Variants in ST7L observed in about 807,000 individuals in gnomAD.
ST7L encodes suppression of tumorigenicity 7 like.
In ST7L, 57 loss-of-function variants were observed where a neutral mutation model predicts 72.5. The ratio of observed to expected loss-of-function variants is 0.79; its 90% confidence interval spans 0.64 to 0.98. ST7L has a LOEUF of 0.98. ST7L is among the 50% of genes least tolerant of loss of function. The pLI is 0.00. For synonymous variants in ST7L, 221 were observed against 240.9 expected, an observed-to-expected ratio of 0.92 and a Z score of 0.77; for missense variants, 576 against 672.2, an observed-to-expected ratio of 0.86 and a Z score of 1.58.
rs1653145175 is a variant in ST7L, at chr1:112,524,717, T to C, written c.*1296A>G. ...GAAAGAGATGCTTCCTTTTCACTCT[T>C]TGCCCTCCCTGTCAGCCTGAGCACA... On this transcript the variant is annotated 3_prime_UTR_variant, in exon 15 of 15. Transcript: ENST00000358039. 2.0e-5 allele frequency: 3 copies of C among 152,256 alleles called. No individual in the cohort carries two copies. The highest frequency in any genetic ancestry group is 7.2e-5 in the African/African-American group (3 of 41,466). 9.4% of individuals were successfully genotyped at this position (152,256 alleles called of 1,614,324 possible).
At chr1:112,552,823 T>C (rs909743438) in intron 12 of ST7L, among the ~76,000 whole-genome samples, 6 of 152,010 alleles carry the variant, frequency 3.9e-5, no homozygotes, top group African/African-American at 1.4e-4. Flanking sequence ...TCATAGGTGG[T>C]TGGGCATGAT....
At chr1:112,537,138 G>A (rs1436735835) in intron 14 of ST7L, among the ~76,000 whole-genome samples, 4 of 152,036 alleles carry the variant, frequency 2.6e-5, no homozygotes, top group African/African-American at 7.2e-5. Context: ...TGGGATTACA[G>A]GCAAGTACCA....
intron 5 of ST7L, among the ~76,000 whole-genome samples, chr1:112,597,041 C>T (rs987877349): frequency 2.0e-5 from 3 of 152,104 alleles, no homozygotes; most frequent in African/African-American, 7.2e-5. Context: ...CCCTGCTGTC[C>T]AAAAGTTTAT....
intron 1 of ST7L, among the ~76,000 whole-genome samples, chr1:112,617,754 C>CAA (rs1557716877): frequency 3.7e-4 from 55 of 148,428 alleles, no homozygotes; most frequent in African/African-American, 1.3e-3. Context: ...CACACACACA[C>CAA]ACGAAACGTA....
intron 4 of ST7L, among the ~76,000 whole-genome samples, chr1:112,600,241 T>A (rs538043315): frequency 2.6e-5 from 4 of 152,240 alleles, no homozygotes; most frequent in African/African-American, 9.6e-5. Flanking sequence ...TTTCACCATG[T>A]TGGCCAGGCT....
At chr1:112,617,492 A>G (rs960304814) in intron 1 of ST7L, among the ~76,000 whole-genome samples, 2 of 152,172 alleles carry the variant, frequency 1.3e-5, no homozygotes, top group African/African-American at 2.4e-5. Flanking sequence ...CAGGAGGATC[A>G]CTGGTAGCCA....
chr1:112,524,251 G>A lies in ST7L; in HGVS notation c.*1762C>T, dbSNP rs1653075250. On this transcript the variant is annotated 3_prime_UTR_variant, in exon 15 of 15. Coordinates refer to ENST00000358039, the MANE Select transcript of ST7L (RefSeq NM_017744.5). ...GGCTTAACAGAAGAGAGATAATTAG[G>A]ATTTTTTTTTCCTCAGTCTTTCTGA... 1 of 152,484 alleles carries A rather than the reference G, an allele frequency of 6.6e-6. No individual in the cohort carries two copies. The highest frequency in any genetic ancestry group is 2.4e-5 in the African/African-American group (1 of 41,388). 9.4% of individuals were successfully genotyped at this position (152,484 alleles called of 1,614,324 possible). A position where few individuals can be genotyped will look rare whatever the true frequency, so the allele number is the denominator to read the frequency against.
At position 112,552,015 on chromosome 1, in the gene ST7L, G is replaced by A. The variant is rs575618932; in HGVS notation, c.1397-1322C>T. ...TTATTTACCCAATTATTTTAGTTCA[G>A]GGTCAAGCACGGCCAGAGCCTATCC... is the stretch of plus-strand genomic sequence containing the variant. On this transcript the variant is annotated intron_variant, in intron 12 of 14. Coordinates refer to ENST00000358039, the MANE Select transcript of ST7L (RefSeq NM_017744.5). Among the ~76,000 whole-genome samples the A allele has an allele frequency of 1.8e-4, 28 of 152,274 alleles. No homozygotes were observed. In the South Asian group the frequency reaches 2.5e-3, roughly 14 times the overall value.
intron 13 of ST7L, among the ~76,000 whole-genome samples, chr1:112,544,167 G>A (rs1363321040): frequency 6.6e-6 from 1 of 152,110 alleles, no homozygotes; most frequent in Non-Finnish European, 1.5e-5. Flanking sequence ...CCAGGAAGTT[G>A]ACCGCTTAGG....
intron 2 of ST7L, among the ~76,000 whole-genome samples, chr1:112,612,523 C>G (rs1570647869): frequency 6.6e-6 from 1 of 152,190 alleles, no homozygotes; most frequent in African/African-American, 2.4e-5. Context: ...AACAAATATG[C>G]TACATAGGTG....
chr1:112,604,774 TTA>T (rs1491324913), intron 3 of ST7L, among the ~76,000 whole-genome samples: 1 of 94,360 alleles, frequency 1.1e-5, no homozygotes, highest in Non-Finnish European at 2.1e-5. Flanking sequence ...CTTGTCTCTC[TTA>T]AAAAAAAAAA....
intron 14 of ST7L, chr1:112,540,474 G>A (rs893190715): frequency 2.0e-6 from 2 of 985,298 alleles, no homozygotes; most frequent in African/African-American, 3.5e-5. Context: ...AAAAGAAATA[G>A]AATAGTCAGT....
At chr1:112,522,405 GC>G (rs1327632541), downstream of ST7L, 1 of 152,106 alleles carries the variant, frequency 6.6e-6, no homozygotes, top group East Asian at 1.9e-4. Flanking sequence ...GGCTGGTCTA[GC>G]CCATCATGAC....
upstream of ST7L, chr1:112,619,394 C>T (rs572254518): frequency 2.2e-4 from 121 of 552,264 alleles, no homozygotes; most frequent in African/African-American, 2.2e-3. Context: ...AAATGAGGGT[C>T]ACCTTTCACA....
chr1:112,617,964 C>G (rs775344105), intron 1 of ST7L: 1 of 1,300,246 alleles, frequency 7.7e-7, no homozygotes, highest in East Asian at 5.6e-5. Flanking sequence ...AACTTGATAC[C>G]TATCCTCCAA....
chr1:112,602,970 G>A (rs576407536), intron 3 of ST7L, among the ~76,000 whole-genome samples: 11 of 151,752 alleles, frequency 7.2e-5, no homozygotes, highest in East Asian at 1.9e-4. Flanking sequence ...CACCCGTCTC[G>A]GCCTCCCAAA....
intron 3 of ST7L, among the ~76,000 whole-genome samples, chr1:112,603,665 A>G (rs1667774972): frequency 6.6e-6 from 1 of 152,242 alleles, no homozygotes; most frequent in Non-Finnish European, 1.5e-5. Context: ...CTGCCGTAAC[A>G]AAATACCATT....
intron 14 of ST7L, 21 bp downstream of exon 14, chr1:112,541,930 A>C (rs370358543): frequency 1.7e-5 from 28 of 1,611,546 alleles, no homozygotes; most frequent in Non-Finnish European, 2.4e-5. Context: ...AATCTACACA[A>C]GTCCTTGAGA....
chr1:112,575,443 T>C (rs995004973), intron 11 of ST7L, among the ~76,000 whole-genome samples: 1 of 152,172 alleles, frequency 6.6e-6, no homozygotes, highest in Non-Finnish European at 1.5e-5. Context: ...ATAGAACAGT[T>C]ATAACAATAT....
Sources: allele counts gnomAD v4.1 joint callset (sites outside exome capture counted in the v4.1 genomes callset), GRCh38; gene constraint gnomAD v4.1.1; transcripts MANE v1.5; gene names NCBI Gene and HGNC (gene_info 2026-07-23, HGNC 2026-07-21).